The following SCN8A variants were observed in gnomAD, a reference collection of about 807,000 sequenced individuals.
SCN8A encodes sodium voltage-gated channel alpha subunit 8.
In SCN8A, 30 loss-of-function variants were observed where a neutral mutation model predicts 184.1. The ratio of observed to expected loss-of-function variants is 0.16; its 90% CI spans 0.12 to 0.22. The LOEUF (loss-of-function observed/expected upper bound fraction) is 0.22. Among genes scored for constraint, SCN8A ranks in the 10% least tolerant of loss-of-function variants. The pLI is 1.00. For missense variants in SCN8A, 1,057 were observed against 2,498.9 expected (o/e 0.42, Z 12.30); for synonymous variants, 852 against 907.0 (o/e 0.94, Z 1.09).
chr12:51,592,172 T>A (rs1357987818), intron 1 of SCN8A, among the ~76,000 whole-genome samples: 1 of 151,214 alleles, frequency 6.6e-6, no homozygotes, highest in Non-Finnish European at 1.5e-5. Flanking sequence ...GGTACAGGAC[T>A]GTTTGCCCAG....
chr12:51,621,155 A>G (rs903399067), intron 1 of SCN8A, among the ~76,000 whole-genome samples: 1 of 152,222 alleles, frequency 6.6e-6, no homozygotes, highest in African/African-American at 2.4e-5. Context: ...AGTAGAGGAA[A>G]GACTGTCAAG....
intron 1 of SCN8A, among the ~76,000 whole-genome samples, chr12:51,627,427 G>A (rs1940103274): frequency 1.3e-5 from 2 of 152,300 alleles, no homozygotes; most frequent in South Asian, 4.1e-4. Context: ...CTGTTGCCAG[G>A]GAGGAGTACA....
At chr12:51,766,439 C>T (rs543481351) in intron 16 of SCN8A, among the ~76,000 whole-genome samples, 36 of 152,148 alleles carry the variant, frequency 2.4e-4, no homozygotes, top group Admixed American at 6.5e-4. Flanking sequence ...TGTGGGCTGT[C>T]GTGTGCATTG....
chr12:51,601,870 T>G (rs576005351), intron 1 of SCN8A, among the ~76,000 whole-genome samples: 2 of 150,630 alleles, frequency 1.3e-5, no homozygotes, highest in African/African-American at 4.9e-5. Context: ...TTTTTTTTTT[T>G]TTTTTTTTTT....
intron 2 of SCN8A, among the ~76,000 whole-genome samples, chr12:51,669,205 A>G (rs1224113561): frequency 6.6e-6 from 1 of 152,222 alleles, no homozygotes; most frequent in Admixed American, 6.5e-5. Context: ...CTACCATCCC[A>G]AATATTGTTG....
intron 8 of SCN8A, among the ~76,000 whole-genome samples, chr12:51,701,746 G>T (rs10876205): frequency 0.17 from 26,321 of 152,066 alleles, 2,992 homozygotes; most frequent in Non-Finnish European, 0.25. Context: ...CAGGGTTACT[G>T]TAAGGATCCA....
intron 1 of SCN8A, among the ~76,000 whole-genome samples, chr12:51,655,867 G>T (rs1940813048): frequency 6.6e-6 from 1 of 152,174 alleles, no homozygotes; most frequent in African/African-American, 2.4e-5. Context: ...ATATAGTAGT[G>T]GTATGATGGA....
At chr12:51,717,456 C>G (rs934839671) in intron 11 of SCN8A, among the ~76,000 whole-genome samples, 7 of 152,104 alleles carry the variant, frequency 4.6e-5, no homozygotes, top group Admixed American at 3.9e-4. Flanking sequence ...TCTAAATGCC[C>G]CTCTCAGTTT....
rs558738676 is a variant in SCN8A, at chr12:51,769,235, A to C, written c.3272A>C (p.Asn1091Thr). Residue 1091 changes from asparagine (N) to threonine (T), a missense_variant, in exon 17 of 27, where the codon AAC becomes ACC. Transcript: ENST00000627620. ...EDHMSFINNPNLTVRVPIAVG... is the reference protein window; with the variant it reads ...EDHMSFINNPTLTVRVPIAVG... ...CACATGTCCTTCATCAACAACCCCA[A>C]CTTGACTGTACGGGTACCCATTGCT... 30 of 1,613,768 alleles carry C rather than the reference A, an allele frequency of 1.9e-5. No homozygotes were observed. The highest frequency in any genetic ancestry group is 2.4e-5 in the Non-Finnish European group (28 of 1,179,860).
intron 6 of SCN8A, among the ~76,000 whole-genome samples, chr12:51,697,051 A>AG (rs1941606109): frequency 6.6e-6 from 1 of 151,006 alleles, no homozygotes; most frequent in African/African-American, 2.4e-5. Context: ...AAAAAAAAAA[A>AG]AATGAAAAAG....
chr12:51,634,741 TG>T (rs1487270609), intron 1 of SCN8A, among the ~76,000 whole-genome samples: 1 of 151,102 alleles, frequency 6.6e-6, no homozygotes, highest in African/African-American at 2.4e-5. Flanking sequence ...CTCCTCCTCC[TG>T]GGTTCAAGCG....
chr12:51,635,779 T>C (rs1032339932), intron 1 of SCN8A, among the ~76,000 whole-genome samples: 7 of 152,226 alleles, frequency 4.6e-5, no homozygotes, highest in African/African-American at 1.4e-4. Context: ...CTTCATTTTA[T>C]ATGATTTTAA....
chr12:51,711,087 T>G (rs1214744365), intron 11 of SCN8A, among the ~76,000 whole-genome samples: 1 of 152,234 alleles, frequency 6.6e-6, no homozygotes, highest in Non-Finnish European at 1.5e-5. Context: ...CTCTCCTTTC[T>G]TCTAGTTCAG....
chr12:51,790,736 G>A (rs1938227093), intron 25 of SCN8A, among the ~76,000 whole-genome samples: 1 of 152,182 alleles, frequency 6.6e-6, no homozygotes, highest in Non-Finnish European at 1.5e-5. Context: ...CAGCCACCAA[G>A]AATCAGCATG....
chr12:51,762,818 A>G (rs1350754134), intron 15 of SCN8A, 142 bp downstream of exon 15: 7 of 742,838 alleles, frequency 9.4e-6, no homozygotes, highest in Non-Finnish European at 1.2e-5. Flanking sequence ...TTAGCTACTA[A>G]AATACTAAAA....
chr12:51,708,756 G>A (rs577400544), intron 11 of SCN8A, among the ~76,000 whole-genome samples: 2 of 152,042 alleles, frequency 1.3e-5, no homozygotes, highest in Non-Finnish European at 2.9e-5. Flanking sequence ...TTTGTTTTCT[G>A]TAGTCTTTCT....
intron 1 of SCN8A, among the ~76,000 whole-genome samples, chr12:51,623,755 C>G (rs1162454114): frequency 1.3e-5 from 2 of 152,152 alleles, no homozygotes; most frequent in Non-Finnish European, 1.5e-5. Context: ...CTAATGCTAT[C>G]CCTTCCTCCT....
intron 26 of SCN8A, among the ~76,000 whole-genome samples, chr12:51,798,411 C>T (rs1592169646): frequency 6.6e-6 from 1 of 152,202 alleles, no homozygotes; most frequent in Non-Finnish European, 1.5e-5. Flanking sequence ...CTGGTGAGGA[C>T]AAACCGCTGC....
chr12:51,627,906 G>A (rs182146817), intron 1 of SCN8A, among the ~76,000 whole-genome samples: 5 of 152,338 alleles, frequency 3.3e-5, no homozygotes, highest in African/African-American at 9.6e-5. Context: ...GTACATTATA[G>A]TTGCTTATCA....
Sources: allele counts gnomAD v4.1 joint callset (sites outside exome capture counted in the v4.1 genomes callset), GRCh38; gene constraint gnomAD v4.1.1; transcripts MANE v1.5; gene names NCBI Gene and HGNC (gene_info 2026-07-23, HGNC 2026-07-21).